Variants in PHLPP1 observed in about 807,000 individuals in gnomAD.
PHLPP1 encodes the protein PH domain leucine-rich repeat-containing protein phosphatase 1.
Under a neutral mutation model 117.2 loss-of-function variants are expected in PHLPP1, and 42 were observed. The ratio of observed to expected loss-of-function variants is 0.36; its 90% CI spans 0.28 to 0.46. The LOEUF (loss-of-function observed/expected upper bound fraction) is 0.46. Among genes scored for constraint, PHLPP1 ranks in the 20% least tolerant of loss-of-function variants. The probability of loss-of-function intolerance (pLI) is 1.00; values close to 1 mark genes in which losing one functional copy is unlikely to be tolerated. For missense variants in PHLPP1, 2,084 were observed against 2,241.9 expected (o/e 0.93, Z 1.42); for synonymous variants, 1,042 against 970.7 (o/e 1.07, Z -1.37).
At chr18:62,926,197 C>T (rs996416591) in intron 10 of PHLPP1, among the ~76,000 whole-genome samples, 3 of 152,090 alleles carry the variant, frequency 2.0e-5, no homozygotes, top group Non-Finnish European at 2.9e-5. Flanking sequence ...AGAGAATTTT[C>T]ATTCTTTTCT....
chr18:62,785,401 T>G (rs563893977), intron 1 of PHLPP1, among the ~76,000 whole-genome samples: 1 of 152,286 alleles, frequency 6.6e-6, no homozygotes, highest in East Asian at 1.9e-4. Context: ...CAAAAACAAA[T>G]TCAAAGCAGT....
intron 2 of PHLPP1, among the ~76,000 whole-genome samples, chr18:62,833,929 A>G (rs191216820): frequency 1.8e-3 from 277 of 152,314 alleles, no homozygotes; most frequent in African/African-American, 6.5e-3. Context: ...TACTATGCTG[A>G]AGGGACATTT....
At chr18:62,897,801 C>G (rs1049255775) in intron 6 of PHLPP1, among the ~76,000 whole-genome samples, 2 of 152,130 alleles carry the variant, frequency 1.3e-5, no homozygotes, top group African/African-American at 4.8e-5. Context: ...GCCACCACAC[C>G]CAGCCTAATT....
chr18:62,812,358 G>A (rs1181510067), intron 1 of PHLPP1, among the ~76,000 whole-genome samples: 3 of 152,136 alleles, frequency 2.0e-5, no homozygotes, highest in Non-Finnish European at 4.4e-5. Context: ...TGACTCAGTT[G>A]GAGCTGTGGA....
At chr18:62,912,296 G>T (rs1160677477) in intron 8 of PHLPP1, among the ~76,000 whole-genome samples, 1 of 101,178 alleles carries the variant, frequency 9.9e-6, no homozygotes, top group African/African-American at 3.4e-5. Context: ...AAAACTTAGA[G>T]TATAATAAAA....
At chr18:62,823,185 A>C (rs1445002860) in intron 1 of PHLPP1, among the ~76,000 whole-genome samples, 1 of 152,200 alleles carries the variant, frequency 6.6e-6, no homozygotes, top group Non-Finnish European at 1.5e-5. Context: ...ATTAGGCTTT[A>C]TTAAAATGGA....
chr18:62,952,070 G>A (rs912991473), intron 12 of PHLPP1, among the ~76,000 whole-genome samples: 1 of 151,800 alleles, frequency 6.6e-6, no homozygotes, highest in Non-Finnish European at 1.5e-5. Context: ...CACCCGCCTC[G>A]GCCTCCCAAA....
chr18:62,784,050 G>T (rs1913205152), intron 1 of PHLPP1, among the ~76,000 whole-genome samples: 1 of 152,192 alleles, frequency 6.6e-6, no homozygotes, highest in African/African-American at 2.4e-5. Flanking sequence ...CTCCAAGGTT[G>T]TGCATTTTTA....
chr18:62,931,878 GAAAAAAAAAA>G, intron 10 of PHLPP1, among the ~76,000 whole-genome samples: 1 of 76,474 alleles, frequency 1.3e-5, no homozygotes, highest in Non-Finnish European at 2.3e-5. Context: ...CTGGGCGACA[GAAAAAAAAAA>G]AAAAAAAAAA....
intron 1 of PHLPP1, among the ~76,000 whole-genome samples, chr18:62,808,547 G>GTTTTTTTTTGTTTTTT (rs754879032): frequency 1.1e-4 from 16 of 142,390 alleles, no homozygotes; most frequent in Admixed American, 4.2e-4. Flanking sequence ...TCATCTCTCT[G>GTTTTTTTTTGTTTTTT]TTTTTTTTTG....
At chr18:62,753,670 C>T (rs1218036623) in intron 1 of PHLPP1, among the ~76,000 whole-genome samples, 1 of 152,146 alleles carries the variant, frequency 6.6e-6, no homozygotes, top group Non-Finnish European at 1.5e-5. Context: ...GTCCATGCTG[C>T]CCACTCTAGG....
intron 10 of PHLPP1, among the ~76,000 whole-genome samples, chr18:62,936,724 G>C (rs1909979629): frequency 6.6e-6 from 1 of 152,192 alleles, no homozygotes; most frequent in East Asian, 1.9e-4. Context: ...TAAATTGAGA[G>C]ACATTTTACA....
Position 62,979,119 on chromosome 18 carries a change from C to A in PHLPP1, c.4842C>A (p.Ala1614=), listed in dbSNP as rs556149733. Residue 1614 remains alanine (A), a synonymous_variant, in exon 17 of 17, where the codon GCC becomes GCA. Transcript: ENST00000262719. The part of the protein sequence containing the change: ...PGLPRKADFS[A]VGTIGRRRAN... ...TGCCCAGGAAGGCAGACTTCTCTGC[C>A]GTTGGGACCATTGGGCGCCGGAGGG... 22 of 1,613,884 alleles carry A rather than the reference C, an allele frequency of 1.4e-5. No homozygotes were observed. The East Asian group carries it at 2.7e-4, about 20-fold the overall frequency.
At chr18:62,944,968 C>A (rs898419799) in intron 11 of PHLPP1, 141 bp from the exon 12 acceptor site, 1 of 594,714 alleles carries the variant, frequency 1.7e-6, no homozygotes, top group Non-Finnish European at 2.7e-6. Flanking sequence ...TTCAGTACTC[C>A]AAAATGATAG....
intron 12 of PHLPP1, among the ~76,000 whole-genome samples, chr18:62,955,151 A>G (rs1226948713): frequency 6.6e-6 from 1 of 152,244 alleles, no homozygotes; most frequent in Non-Finnish European, 1.5e-5. Flanking sequence ...AAGCATGAAG[A>G]AAAGAGTTCC....
At chr18:62,749,293 G>A (rs1460801927) in intron 1 of PHLPP1, among the ~76,000 whole-genome samples, 1 of 151,042 alleles carries the variant, frequency 6.6e-6, no homozygotes, top group Non-Finnish European at 1.5e-5. Flanking sequence ...CAAACCTCCT[G>A]GGAGTGGGGG....
At chr18:62,857,219 C>T (rs1344108645) in intron 3 of PHLPP1, among the ~76,000 whole-genome samples, 1 of 152,184 alleles carries the variant, frequency 6.6e-6, no homozygotes, top group Non-Finnish European at 1.5e-5. Flanking sequence ...TTTATGATCT[C>T]ACGGTATATA....
At chr18:62,848,706 C>T (rs1915246206) in intron 3 of PHLPP1, among the ~76,000 whole-genome samples, 1 of 152,058 alleles carries the variant, frequency 6.6e-6, no homozygotes, top group Non-Finnish European at 1.5e-5. Flanking sequence ...TGAAGCAGTC[C>T]TCCCACCTTG....
At chr18:62,947,189 C>T (rs1910321168) in intron 12 of PHLPP1, among the ~76,000 whole-genome samples, 1 of 152,218 alleles carries the variant, frequency 6.6e-6, no homozygotes, top group Admixed American at 6.5e-5. Flanking sequence ...ATTCACTGCT[C>T]TGTTTCCTCG....
Sources: gnomAD v4.1 joint callset for allele counts (sites outside exome capture counted in the v4.1 genomes callset) on GRCh38, gnomAD v4.1.1 for gene constraint, MANE v1.5 for transcripts, NCBI Gene and HGNC (gene_info 2026-07-23, HGNC 2026-07-21) for gene names.